The following BCAS3 variants were observed in gnomAD, a reference collection of about 807,000 sequenced individuals.
BCAS3 encodes the protein BCAS3 microtubule associated cell migration factor.
In BCAS3, 53 loss-of-function variants were observed where a neutral mutation model predicts 116.1. The observed-to-expected ratio is 0.46, with a 90% CI of 0.37 to 0.57. The LOEUF is 0.57. Among genes scored for constraint, BCAS3 ranks in the 20% least tolerant of loss-of-function variants. BCAS3 has a pLI of 0.00. For synonymous variants in BCAS3, 391 were observed against 408.2 expected (o/e 0.96, Z 0.51); for missense variants, 917 against 1,165.4 (o/e 0.79, Z 3.10).
chr17:61,046,094 AT>A (rs531074064), intron 19 of BCAS3, among the ~76,000 whole-genome samples: 12 of 50,500 alleles, frequency 2.4e-4, no homozygotes, highest in East Asian at 5.7e-4. Flanking sequence ...ATATATATAT[AT>A]AATATATATA....
chr17:60,814,027 A>T (rs2049094963), intron 7 of BCAS3, among the ~76,000 whole-genome samples: 1 of 151,928 alleles, frequency 6.6e-6, no homozygotes, highest in Non-Finnish European at 1.5e-5. Context: ...TTTGTTCTAT[A>T]TGAATTTTAG....
intron 21 of BCAS3, among the ~76,000 whole-genome samples, chr17:61,079,627 GCT>G: frequency 6.6e-6 from 1 of 151,842 alleles, no homozygotes; most frequent in South Asian, 2.1e-4. Flanking sequence ...ACGGAGTCTT[GCT>G]CTGTCACTCA....
In BCAS3 at chr17:60,933,637, G is replaced by A. The variant is rs1205695063; in HGVS notation, c.1087+9137G>A. Among the ~76,000 whole-genome samples, 5 of 152,230 alleles carry A rather than the reference G, an allele frequency of 3.3e-5. No individual in the cohort carries two copies. The East Asian group carries it at 5.8e-4, about 18-fold the overall frequency. On this transcript the variant is annotated intron_variant, in intron 13 of 23. Transcript: ENST00000407086. ...TGGGTTAATTGTTAAAGAAGTTTAG[G>A]TTTTTCTTTTTGGACATAAAGGTTT...
At chr17:60,991,514 C>T (rs761758432) in intron 15 of BCAS3, among the ~76,000 whole-genome samples, 1 of 152,168 alleles carries the variant, frequency 6.6e-6, no homozygotes, top group Non-Finnish European at 1.5e-5. Context: ...GACATTAGAT[C>T]ACCTTTTCTG....
intron 19 of BCAS3, among the ~76,000 whole-genome samples, chr17:61,045,864 T>TA (rs377617187): frequency 0.82 from 25,879 of 31,386 alleles, 10,855 homozygotes; most frequent in South Asian, 0.92. Flanking sequence ...TATATATATA[T>TA]AAATATATAT....
At chr17:60,716,136 C>T (rs899943184) in intron 5 of BCAS3, among the ~76,000 whole-genome samples, 12 of 152,338 alleles carry the variant, frequency 7.9e-5, no homozygotes, top group Non-Finnish European at 1.6e-4. Context: ...GCTGGGATTA[C>T]AGGCGTGAGC....
intron 23 of BCAS3, among the ~76,000 whole-genome samples, chr17:61,385,873 C>T (rs890984957): frequency 3.3e-5 from 5 of 152,192 alleles, no homozygotes; most frequent in African/African-American, 1.2e-4. Context: ...AAACACACAT[C>T]TGCCATCTTC....
In BCAS3 at chr17:61,065,651, A is replaced by G. The variant is rs1308375312; in HGVS notation, c.2030-9269A>G. ...ATTATTCATCTCTCAGGTCTCCACT[A>G]AAAACTTTCACGTGCTAAGGGTTTT... On this transcript the variant is annotated intron_variant, in intron 19 of 23. Coordinates refer to ENST00000407086, the MANE Select transcript of BCAS3 (RefSeq NM_017679.5). This position sits in a 1 kb window ranked among gnomAD's most constrained non-coding sequence, Gnocchi z 4.8. Among the ~76,000 whole-genome samples the G allele has an allele frequency of 6.6e-6, 1 of 152,180 alleles. No homozygotes were observed. The highest frequency in any genetic ancestry group is 1.9e-4 in the East Asian group (1 of 5,196).
intron 5 of BCAS3, among the ~76,000 whole-genome samples, chr17:60,746,820 T>C (rs1194193531): frequency 6.6e-6 from 1 of 152,174 alleles, no homozygotes; most frequent in African/African-American, 2.4e-5. Context: ...ATTTACAACA[T>C]ATTTGTTAAA....
At chr17:61,358,890 G>A (rs16945174) in intron 22 of BCAS3, among the ~76,000 whole-genome samples, 3,858 of 152,156 alleles carry the variant, frequency 0.025, 149 homozygotes, top group East Asian at 0.082. Context: ...GTTCTTACGC[G>A]TGTTGAGTAT....
intron 13 of BCAS3, among the ~76,000 whole-genome samples, chr17:60,936,992 G>C (rs1409107034): frequency 6.6e-6 from 1 of 152,004 alleles, no homozygotes; most frequent in African/African-American, 2.4e-5. Context: ...TATGGTTTTA[G>C]GTCTAACATG....
intron 13 of BCAS3, among the ~76,000 whole-genome samples, chr17:60,928,675 A>T (rs776280844): frequency 1.3e-5 from 2 of 152,236 alleles, no homozygotes; most frequent in African/African-American, 2.4e-5. Context: ...ATGAGCAAGG[A>T]TGCAGAAAGT....
intron 22 of BCAS3, among the ~76,000 whole-genome samples, chr17:61,262,691 A>ATTT (rs556925842): frequency 1.1e-4 from 15 of 132,840 alleles, no homozygotes; most frequent in Admixed American, 4.6e-4. Context: ...AGGAGACTTA[A>ATTT]TTTTTTTTTT....
At chr17:61,166,391 C>CTTTT (rs748083151) in intron 22 of BCAS3, among the ~76,000 whole-genome samples, 2 of 33,746 alleles carry the variant, frequency 5.9e-5, no homozygotes, top group African/African-American at 8.4e-5. Flanking sequence ...CTCTCTCTCT[C>CTTTT]TTTTTTTTTT....
At chr17:61,263,380 G>C (rs911502353) in intron 22 of BCAS3, among the ~76,000 whole-genome samples, 1 of 152,206 alleles carries the variant, frequency 6.6e-6, no homozygotes, top group Non-Finnish European at 1.5e-5. Flanking sequence ...CCTGGACATA[G>C]GGGTGAGAGA....
In BCAS3 at chr17:61,145,762, C is replaced by G. The variant is rs1424192565; in HGVS notation, c.2425+61198C>G. Among the ~76,000 whole-genome samples, 1 of 152,098 alleles carries G rather than the reference C, an allele frequency of 6.6e-6. No homozygotes were observed. Among genetic ancestry groups the G allele is most frequent in the Non-Finnish European group, 1.5e-5 (1 of 68,020 alleles). On this transcript the variant is annotated intron_variant, in intron 22 of 23. Coordinates refer to ENST00000407086, the MANE Select transcript of BCAS3 (RefSeq NM_017679.5). The surrounding 1 kb of genome is among the most constrained non-coding windows in gnomAD (Gnocchi z 5.0). ...GTGAGAATGACCAGAAATCGTTTCC[C>G]TCTCTGGGGGGTTCCTGTTTAATAT... is the stretch of plus-strand genomic sequence containing the variant.
rs113520863 is a variant in BCAS3, at chr17:61,220,296, A to AAAAC, written c.2425+135740_2425+135743dup. ...GCAACAGAGTGAGACTCCATCTCAA[A>AAAAC]AAACAAACAAAAAACAAAAAAACTG... On this transcript the variant is annotated intron_variant, in intron 22 of 23. Coordinates refer to ENST00000407086, the MANE Select transcript of BCAS3 (RefSeq NM_017679.5). The surrounding 1 kb of genome is among the most constrained non-coding windows in gnomAD (Gnocchi z 4.5). Among the ~76,000 whole-genome samples, 4 of 151,816 alleles carry AAAAC rather than the reference A, an allele frequency of 2.6e-5. No individual in the cohort carries two copies. Among genetic ancestry groups the AAAAC allele is most frequent in the East Asian group, 3.9e-4 (2 of 5,128 alleles).
intron 6 of BCAS3, among the ~76,000 whole-genome samples, chr17:60,772,757 C>T (rs1033996179): frequency 5.9e-5 from 9 of 152,026 alleles, no homozygotes; most frequent in Non-Finnish European, 1.2e-4. Context: ...GTGTGTGTTC[C>T]AGCTACTCAG....
chr17:60,948,978 G>A (rs2060681893), intron 14 of BCAS3, among the ~76,000 whole-genome samples: 2 of 151,686 alleles, frequency 1.3e-5, no homozygotes, highest in African/African-American at 4.8e-5. Context: ...CTGGGTTCAA[G>A]CAATTCTCCT....
Sources: gnomAD v4.1 joint callset for allele counts (sites outside exome capture counted in the v4.1 genomes callset) on GRCh38, gnomAD v4.1.1 for gene constraint, Gnocchi (gnomAD v3.1) non-coding constraint, MANE v1.5 for transcripts, NCBI Gene and HGNC (gene_info 2026-07-23, HGNC 2026-07-21) for gene names.